The following MSRB2 variants were observed in gnomAD, a reference collection of about 807,000 sequenced individuals.
The protein encoded by MSRB2 is methionine sulfoxide reductase B2, also known as methionine-R-sulfoxide reductase B2, mitochondrial.
A neutral mutation model predicts 19.0 loss-of-function variants in MSRB2; 17 were observed. That is an observed-to-expected ratio of 0.89 (90% CI 0.61 to 1.34). The LOEUF is 1.34. Among genes scored for constraint, MSRB2 ranks in the 40% most tolerant of loss-of-function variants. The pLI, the probability that MSRB2 is intolerant of heterozygous loss-of-function variation, is 0.00. For synonymous variants in MSRB2, 107 were observed against 99.7 expected (o/e 1.07, Z -0.44); for missense variants, 208 against 237.6 (o/e 0.88, Z 0.82).
chr10:23,117,292 G>A (rs1289301721), intron 3 of MSRB2, among the ~76,000 whole-genome samples: 1 of 152,114 alleles, frequency 6.6e-6, no homozygotes, highest in Non-Finnish European at 1.5e-5. Context: ...GAGATTCCTG[G>A]GGGGGACCTT....
At chr10:23,118,707 C>G (rs1288672850) in intron 3 of MSRB2, among the ~76,000 whole-genome samples, 1 of 152,206 alleles carries the variant, frequency 6.6e-6, no homozygotes, top group African/African-American at 2.4e-5. Flanking sequence ...AGTTTCCCCT[C>G]AAATCCTCAA....
rs1213380301 is a variant in MSRB2 at position 23,104,216 on chromosome 10, A to G, written c.191A>G (p.Tyr64Cys). The G allele has an allele frequency of 6.2e-7, 1 of 1,613,868 alleles. No individual in the cohort carries two copies. Among genetic ancestry groups the G allele is most frequent in the Non-Finnish European group, 8.5e-7 (1 of 1,179,866 alleles). ...WQKKLTPEQF[Y>C]VTREKGTEPP... is the part of the protein sequence containing the mutation. ...AAGAAACTAACCCCGGAGCAGTTCT[A>G]CGTCACAAGAGAAAAGGGAACGGAA... Residue 64 changes from tyrosine to cysteine, a missense_variant, in exon 2 of 5, where the codon TAC becomes TGC. By Grantham distance (194) the Tyr-to-Cys change is radical. Transcript: ENST00000376510.
At position 23,095,703 on chromosome 10, in the gene MSRB2, C is replaced by G. The variant is rs1839852280; in HGVS notation, c.95C>G (p.Thr32Ser). The G allele has an allele frequency of 2.3e-6, 3 of 1,307,338 alleles. No individual in the cohort carries two copies. Among genetic ancestry groups the G allele is most frequent in the Non-Finnish European group, 2.9e-6 (3 of 1,035,186 alleles). The allele number at this position is 1,307,338 out of a possible 1,614,324, so 81.0% of individuals were successfully genotyped here. A position where few individuals can be genotyped will look rare whatever the true frequency, so the allele number is the denominator to read the frequency against. ...RGQAGGGGPG[T>S]GPGLGEAGSL... is the part of the protein sequence containing the mutation. ...CAAGCGGGCGGCGGCGGGCCCGGCA[C>G]CGGGCCGGGACTGGGGGAGGCAGGT... Residue 32 changes from threonine (T) to serine (S), a missense_variant, in exon 1 of 5, where the codon ACC becomes AGC. Transcript: ENST00000376510.
chr10:23,107,296 G>T (rs897243277), intron 2 of MSRB2, among the ~76,000 whole-genome samples: 1 of 152,136 alleles, frequency 6.6e-6, no homozygotes, highest in African/African-American at 2.4e-5. Context: ...GCTGTTTGTC[G>T]TGATCTAACC....
rs1487351036 is a variant in MSRB2, at chr10:23,121,100, A to T, written c.*238A>T. On this transcript the variant is annotated 3_prime_UTR_variant, in exon 5 of 5. Coordinates refer to ENST00000376510, the MANE Select transcript of MSRB2 (RefSeq NM_012228.4). The stretch of plus-strand genomic sequence containing the variant: ...AGGATCTGGGAGAATTTGAAAAAAA[A>T]AGAAAAACTAGAAAAATAAACAAAA... 4.6e-6 allele frequency: 2 copies of T among 436,294 alleles called. No individual in the cohort carries two copies. Among genetic ancestry groups the T allele is most frequent in the Non-Finnish European group, 8.1e-6 (2 of 247,786 alleles). 27.0% of individuals were successfully genotyped at this position (436,294 alleles called of 1,614,324 possible). A position where few individuals can be genotyped will look rare whatever the true frequency, so the allele number is the denominator to read the frequency against.
intron 1 of MSRB2, among the ~76,000 whole-genome samples, chr10:23,098,929 C>A (rs1052563413): frequency 1.3e-5 from 2 of 152,164 alleles, no homozygotes; most frequent in African/African-American, 4.8e-5. Context: ...AAGACTTGTC[C>A]TGAGATTTGT....
intron 4 of MSRB2, 78 bp from the exon 5 acceptor site, chr10:23,120,679 TG>T: frequency 6.6e-6 from 7 of 1,061,918 alleles, no homozygotes; most frequent in African/African-American, 1.6e-5. Flanking sequence ...GGAGTGATTT[TG>T]GGGGGGTTCG....
At chr10:23,116,946 G>A (rs191600221) in intron 3 of MSRB2, among the ~76,000 whole-genome samples, 9 of 152,170 alleles carry the variant, frequency 5.9e-5, no homozygotes, top group Admixed American at 1.3e-4. Flanking sequence ...CATTAATGCT[G>A]GTCATTTGTT....
At chr10:23,106,687 C>T (rs1839990873) in intron 2 of MSRB2, among the ~76,000 whole-genome samples, 2 of 152,204 alleles carry the variant, frequency 1.3e-5, no homozygotes, top group South Asian at 4.1e-4. Context: ...CTCTTGTAGG[C>T]AGCCCTCCCC....
At position 23,095,650 on chromosome 10, in the gene MSRB2, A is replaced by G; in HGVS notation, c.42A>G (p.Gly14=). The change falls in exon 1 of 5, where the codon GGA becomes GGG. Residue 14 remains glycine, a synonymous_variant. Transcript: ENST00000376510. ...GGTTGCTCCGGGGCCTGACCCTCGG[A>G]ACTGCGCCTCGGCGGGCGGTGCGGG... is the stretch of plus-strand genomic sequence containing the variant. ...LLWLLRGLTL[G]TAPRRAVRGQ... The G allele has an allele frequency of 7.0e-7, 1 of 1,437,652 alleles. No homozygotes were observed. The highest frequency in any genetic ancestry group is 9.1e-7 in the Non-Finnish European group (1 of 1,101,342). The allele number at this position is 1,437,652 out of a possible 1,614,324, so 89.1% of individuals were successfully genotyped here.
intron 1 of MSRB2, among the ~76,000 whole-genome samples, chr10:23,103,658 T>A (rs1251815803): frequency 6.6e-6 from 1 of 152,172 alleles, no homozygotes; most frequent in African/African-American, 2.4e-5. Context: ...ATTTTTAAAA[T>A]AGAGACCTCC....
chr10:23,113,390 G>A (rs1179762407), intron 3 of MSRB2, among the ~76,000 whole-genome samples: 4 of 151,602 alleles, frequency 2.6e-5, no homozygotes, highest in Non-Finnish European at 5.9e-5. Flanking sequence ...CACACCATGG[G>A]TTTTTTTTTA....
At chr10:23,096,634 T>TA (rs1401422304) in intron 1 of MSRB2, among the ~76,000 whole-genome samples, 2 of 152,216 alleles carry the variant, frequency 1.3e-5, no homozygotes, top group African/African-American at 4.8e-5. Context: ...GAGCTCTTTT[T>TA]AGCCCCTGAA....
intron 1 of MSRB2, among the ~76,000 whole-genome samples, chr10:23,096,203 G>C (rs1406903815): frequency 6.6e-6 from 1 of 152,150 alleles, no homozygotes; most frequent in African/African-American, 2.4e-5. Context: ...GTTCCTGTGA[G>C]TGTTTCCTGC....
intron 1 of MSRB2, among the ~76,000 whole-genome samples, chr10:23,098,024 A>C (rs1166194417): frequency 6.6e-6 from 1 of 152,204 alleles, no homozygotes; most frequent in Non-Finnish European, 1.5e-5. Context: ...GAAAAAGGAA[A>C]GTAAGAAATA....
intron 3 of MSRB2, among the ~76,000 whole-genome samples, chr10:23,118,163 A>G (rs984187560): frequency 6.6e-6 from 1 of 152,096 alleles, no homozygotes; most frequent in Admixed American, 6.5e-5. Flanking sequence ...AGCAATCCCT[A>G]TTAATTTTGG....
intron 3 of MSRB2, among the ~76,000 whole-genome samples, chr10:23,115,755 A>T (rs2131632404): frequency 6.6e-6 from 1 of 152,338 alleles, no homozygotes; most frequent in Admixed American, 6.5e-5. Flanking sequence ...CTCTCATATT[A>T]CTTGGTAAAA....
chr10:23,113,763 A>G (rs1018477407), intron 3 of MSRB2, among the ~76,000 whole-genome samples: 3 of 152,206 alleles, frequency 2.0e-5, no homozygotes, highest in African/African-American at 7.2e-5. Context: ...GGAGACAGCC[A>G]TGTGAAAACG....
chr10:23,104,061 T>C (rs1008996616), intron 1 of MSRB2, 83 bp from the exon 2 acceptor site: 47 of 1,078,720 alleles, frequency 4.4e-5, no homozygotes, highest in Non-Finnish European at 5.9e-5. Flanking sequence ...TGGGTGACAG[T>C]ACACTTAGGG....
Sources: gnomAD v4.1 joint callset for allele counts (sites outside exome capture counted in the v4.1 genomes callset) on GRCh38, gnomAD v4.1.1 for gene constraint, MANE v1.5 for transcripts, NCBI Gene and HGNC (gene_info 2026-07-23, HGNC 2026-07-21) for gene names.